The following NELL2 variants were observed in gnomAD, a reference collection of about 807,000 sequenced individuals.
The protein encoded by NELL2 is protein kinase C-binding protein NELL2.
Under a neutral mutation model 109.6 loss-of-function variants are expected in NELL2, and 41 were observed. The ratio of observed to expected loss-of-function variants is 0.37; its 90% confidence interval spans 0.29 to 0.49. NELL2 has a LOEUF of 0.49. Ranked by LOEUF, NELL2 falls within the 20% of genes least tolerant of loss-of-function variation. The pLI is 0.98. For missense variants in NELL2, 900 were observed against 1,008.3 expected, an observed-to-expected ratio of 0.89 and a Z score of 1.45; for synonymous variants, 355 against 344.7, an observed-to-expected ratio of 1.03 and a Z score of -0.33.
intron 15 of NELL2, among the ~76,000 whole-genome samples, chr12:44,592,458 G>A (rs1944789386): frequency 6.6e-6 from 1 of 152,146 alleles, no homozygotes; most frequent in African/African-American, 2.4e-5. Context: ...TCTTCCCAGA[G>A]CATGGTGGAG....
chr12:44,742,663 C>T (rs1039015092), intron 9 of NELL2, among the ~76,000 whole-genome samples: 2 of 152,076 alleles, frequency 1.3e-5, no homozygotes, highest in African/African-American at 4.8e-5. Context: ...ATGCAGAAGC[C>T]TCAGTAGCCG....
intron 3 of NELL2, among the ~76,000 whole-genome samples, chr12:44,785,583 G>A (rs1302850628): frequency 6.6e-6 from 1 of 152,090 alleles, no homozygotes; most frequent in East Asian, 1.9e-4. Context: ...ACAATCTTAA[G>A]CAAAAAGAAC....
At chr12:44,835,859 G>A (rs1326339408) in intron 2 of NELL2, among the ~76,000 whole-genome samples, 1 of 152,222 alleles carries the variant, frequency 6.6e-6, no homozygotes, top group Non-Finnish European at 1.5e-5. Context: ...CAGACATTCA[G>A]TGTCTAACAG....
intron 9 of NELL2, among the ~76,000 whole-genome samples, chr12:44,758,663 G>T (rs1348430522): frequency 6.6e-6 from 1 of 152,086 alleles, no homozygotes; most frequent in African/African-American, 2.4e-5. Context: ...GATGAACCTT[G>T]CCCTGTATGA....
intron 9 of NELL2, among the ~76,000 whole-genome samples, chr12:44,742,159 C>T (rs192028334): frequency 0.016 from 2,449 of 152,176 alleles, 23 homozygotes; most frequent in Middle Eastern, 0.027. Flanking sequence ...CACCAATATC[C>T]GCTGTTCTGC....
intron 15 of NELL2, among the ~76,000 whole-genome samples, chr12:44,556,936 T>C (rs146726690): frequency 1.3e-3 from 203 of 152,274 alleles, no homozygotes; most frequent in African/African-American, 4.7e-3. Context: ...GGTGAATATA[T>C]AGGTTGGGGC....
At chr12:44,597,099 T>C (rs1003911164) in intron 15 of NELL2, among the ~76,000 whole-genome samples, 7 of 152,200 alleles carry the variant, frequency 4.6e-5, no homozygotes, top group African/African-American at 1.7e-4. Flanking sequence ...CTTTTTCCTA[T>C]GGTTCTTGTG....
At chr12:44,735,846 T>C (rs1224917693) in intron 9 of NELL2, among the ~76,000 whole-genome samples, 1 of 152,068 alleles carries the variant, frequency 6.6e-6, no homozygotes, top group Non-Finnish European at 1.5e-5. Flanking sequence ...ACTTAGCTTT[T>C]ATGCAAAATA....
At chr12:44,728,287 A>C (rs1012741621) in intron 9 of NELL2, among the ~76,000 whole-genome samples, 3 of 152,198 alleles carry the variant, frequency 2.0e-5, no homozygotes, top group South Asian at 2.1e-4. Context: ...ATCAATAGAC[A>C]GTAATTTTTT....
chr12:44,850,189 T>C (rs1944491878), intron 2 of NELL2, among the ~76,000 whole-genome samples: 1 of 152,178 alleles, frequency 6.6e-6, no homozygotes, highest in African/African-American at 2.4e-5. Context: ...TTCATAGGGA[T>C]AGTGATAATT....
rs568822958 is a variant in NELL2 at position 44,857,465 on chromosome 12, G to A, written c.184+17760C>T. ...CAAAGATCCACTTCACAGGAGATCC[G>A]TCAACATTCCACCGGCCCCTGAAAC... On this transcript the variant is annotated intron_variant, in intron 2 of 19. Coordinates refer to ENST00000429094, the MANE Select transcript of NELL2 (RefSeq NM_001145108.2). 3.3e-5 allele frequency among the ~76,000 whole-genome samples: 5 copies of A among 152,140 alleles called. No homozygotes were observed. In the East Asian group the frequency reaches 7.7e-4, roughly 24 times the overall value.
chr12:44,620,336 T>C (rs569668392), intron 13 of NELL2, among the ~76,000 whole-genome samples: 23 of 152,234 alleles, frequency 1.5e-4, no homozygotes, highest in Middle Eastern at 3.4e-3. Context: ...ACAAAATGAC[T>C]GGCACAAAAT....
chr12:44,518,251 T>G (rs1941364090), intron 19 of NELL2, among the ~76,000 whole-genome samples: 2 of 151,936 alleles, frequency 1.3e-5, no homozygotes, highest in South Asian at 2.1e-4. Context: ...AATACTTTTT[T>G]TTTTTTTTTC....
intron 2 of NELL2, among the ~76,000 whole-genome samples, chr12:44,845,754 A>G (rs1344339255): frequency 1.3e-5 from 2 of 152,224 alleles, no homozygotes; most frequent in Non-Finnish European, 2.9e-5. Context: ...CACACACAGT[A>G]CTAAGGCAAA....
In NELL2 at chr12:44,761,385, A is replaced by G. The variant is rs189817729; in HGVS notation, c.994+13362T>C. 5.8e-3 allele frequency among the ~76,000 whole-genome samples: 889 copies of G among 152,248 alleles called. 8 individuals carry two copies. The highest frequency in any genetic ancestry group is 0.02 in the African/African-American group (833 of 41,538). On this transcript the variant is annotated intron_variant, in intron 9 of 19. Transcript: ENST00000429094. ...CTCCGTCTCAAAAACAAACAAACAA[A>G]CAAACAAAATTAAAAAACAAGAAAT...
At chr12:44,732,881 G>A (rs1479065869) in intron 9 of NELL2, among the ~76,000 whole-genome samples, 1 of 151,746 alleles carries the variant, frequency 6.6e-6, no homozygotes, top group Non-Finnish European at 1.5e-5. Context: ...TTAAAAACTG[G>A]GCAAAGGATT....
At position 44,813,532 on chromosome 12, in the gene NELL2, G is replaced by A. The variant is rs1266116367; in HGVS notation, c.335+2454C>T. 2.0e-5 allele frequency among the ~76,000 whole-genome samples: 3 copies of A among 152,090 alleles called. No homozygotes were observed. In the East Asian group the frequency reaches 5.8e-4, roughly 29 times the overall value. The stretch of plus-strand genomic sequence containing the variant: ...GGTATAACTAGAAAACCTAACAGCT[G>A]AGCACAAATACTTATGTATAAGAAA... On this transcript the variant is annotated intron_variant, in intron 3 of 19. Transcript: ENST00000429094.
intron 9 of NELL2, among the ~76,000 whole-genome samples, chr12:44,716,772 T>C (rs946782527): frequency 6.6e-6 from 1 of 152,082 alleles, no homozygotes. Context: ...TCCAAGCGTA[T>C]GTGGAAGAAA....
At chr12:44,534,838 T>G (rs1341996674) in intron 15 of NELL2, among the ~76,000 whole-genome samples, 1 of 152,078 alleles carries the variant, frequency 6.6e-6, no homozygotes, top group Non-Finnish European at 1.5e-5. Flanking sequence ...CTTTCTCCAC[T>G]GAAGCAACTT....
Sources: gnomAD v4.1 joint callset for allele counts (sites outside exome capture counted in the v4.1 genomes callset) on GRCh38, gnomAD v4.1.1 for gene constraint, MANE v1.5 for transcripts, NCBI Gene and HGNC (gene_info 2026-07-23, HGNC 2026-07-21) for gene names.